Variants in LIMCH1 observed in about 807,000 individuals in gnomAD.
LIMCH1 encodes the protein LIM and calponin homology domains-containing protein 1.
LIMCH1 carries 113 observed loss-of-function variants against 176.5 expected under a neutral mutation model. That is an observed-to-expected ratio of 0.64 (90% CI 0.55 to 0.75). The LOEUF is 0.75. Among genes scored for constraint, LIMCH1 ranks in the 30% least tolerant of loss-of-function variants. The pLI, the probability that LIMCH1 is intolerant of heterozygous loss-of-function variation, is 0.00. For missense variants in LIMCH1, 1,674 were observed against 1,814.9 expected (o/e 0.92, Z 1.41); for synonymous variants, 619 against 645.9 (o/e 0.96, Z 0.63).
At chr4:41,465,454 T>C (rs2065973565) in intron 1 of LIMCH1, among the ~76,000 whole-genome samples, 1 of 152,234 alleles carries the variant, frequency 6.6e-6, no homozygotes, top group Non-Finnish European at 1.5e-5. Context: ...CACTCTGGCA[T>C]GACCTCCTGC....
intron 15 of LIMCH1, 125 bp from the exon 16 acceptor site, chr4:41,645,998 C>A: frequency 1.1e-6 from 1 of 951,210 alleles, no homozygotes; most frequent in Non-Finnish European, 1.6e-6. Context: ...GGAATGCACA[C>A]GATGTTATAG....
intron 1 of LIMCH1, among the ~76,000 whole-genome samples, chr4:41,454,940 A>ATGTGTGTGTGTG (rs761501125): frequency 7.6e-6 from 1 of 131,258 alleles, no homozygotes; most frequent in African/African-American, 2.7e-5. Context: ...GTATGCGTAC[A>ATGTGTGTGTGTG]TGTGTGTGTG....
intron 8 of LIMCH1, among the ~76,000 whole-genome samples, chr4:41,629,239 T>C (rs998758542): frequency 6.6e-6 from 1 of 152,218 alleles, no homozygotes; most frequent in African/African-American, 2.4e-5. Flanking sequence ...CGGCTTCTTT[T>C]CCTAAACTGT....
At chr4:41,375,113 C>T in intron 1 of LIMCH1, among the ~76,000 whole-genome samples, 1 of 152,012 alleles carries the variant, frequency 6.6e-6, no homozygotes, top group East Asian at 1.9e-4. Context: ...CCAATTGTTA[C>T]TAACATTTTA....
intron 1 of LIMCH1, among the ~76,000 whole-genome samples, chr4:41,592,401 G>A (rs920764719): frequency 1.3e-5 from 2 of 152,152 alleles, no homozygotes; most frequent in African/African-American, 4.8e-5. Context: ...ATTTGAGGCT[G>A]TTTGTATAAA....
intron 1 of LIMCH1, among the ~76,000 whole-genome samples, chr4:41,547,433 T>C (rs79974935): frequency 0.027 from 4,086 of 152,002 alleles, 164 homozygotes; most frequent in African/African-American, 0.088. Flanking sequence ...GTGCTTTTTA[T>C]TCTTAAAGAT....
At chr4:41,399,162 T>C (rs1304482371) in intron 1 of LIMCH1, among the ~76,000 whole-genome samples, 1 of 152,144 alleles carries the variant, frequency 6.6e-6, no homozygotes, top group Non-Finnish European at 1.5e-5. Context: ...AGTAAGGAGG[T>C]TGATTTTCAT....
At position 41,520,095 on chromosome 4, in the gene LIMCH1, TG is replaced by T. The variant is rs780411826; in HGVS notation, c.168-4313del. On this transcript the variant is annotated intron_variant, in intron 2 of 26. Transcript: ENST00000313860. ...TTTTTTACCGATTTGCAAACAGTGA[TG>T]TTTTAAAAATATAAATCAGATTATC... Among the ~76,000 whole-genome samples the T allele has an allele frequency of 3.3e-5, 5 of 152,352 alleles. No individual in the cohort carries two copies. The South Asian group carries it at 6.2e-4, about 19-fold the overall frequency.
intron 1 of LIMCH1, among the ~76,000 whole-genome samples, chr4:41,416,975 C>T (rs1299740988): frequency 6.6e-6 from 1 of 152,120 alleles, no homozygotes; most frequent in Non-Finnish European, 1.5e-5. Flanking sequence ...ACATAGCAAG[C>T]TTTTAGGGCA....
At chr4:41,367,866 T>TAAAAAAAAAA (rs750045066) in intron 1 of LIMCH1, among the ~76,000 whole-genome samples, 1 of 90,952 alleles carries the variant, frequency 1.1e-5, no homozygotes, top group Admixed American at 1.2e-4. Context: ...GACTCCATCA[T>TAAAAAAAAAA]AAAAAAAAAA....
chr4:41,681,165 A>T, intron 25 of LIMCH1, 106 bp downstream of exon 25: 1 of 627,958 alleles, frequency 1.6e-6, no homozygotes, highest in Non-Finnish European at 2.9e-6. Context: ...TAAATCCAAG[A>T]CTAGCTATTC....
chr4:41,540,951 A>G (rs113845227), intron 1 of LIMCH1, among the ~76,000 whole-genome samples: 3,012 of 152,306 alleles, frequency 0.02, 117 homozygotes, highest in African/African-American at 0.068. Context: ...CCTTTTAAAA[A>G]GGAATGTTGA....
At chr4:41,402,289 C>T (rs1368317933) in intron 1 of LIMCH1, among the ~76,000 whole-genome samples, 2 of 151,852 alleles carry the variant, frequency 1.3e-5, no homozygotes, top group African/African-American at 4.8e-5. Context: ...CCATCTCACA[C>T]CAGTTAGAAT....
intron 1 of LIMCH1, among the ~76,000 whole-genome samples, chr4:41,590,660 A>G (rs985887560): frequency 6.6e-6 from 1 of 151,892 alleles, no homozygotes; most frequent in African/African-American, 2.4e-5. Flanking sequence ...CATCCATAAA[A>G]TGTTTTCTTC....
intron 1 of LIMCH1, among the ~76,000 whole-genome samples, chr4:41,570,222 A>G (rs976704338): frequency 1.3e-5 from 2 of 152,212 alleles, no homozygotes; most frequent in African/African-American, 4.8e-5. Context: ...GGCACGCATA[A>G]TTCTGTGGCC....
intron 2 of LIMCH1, among the ~76,000 whole-genome samples, chr4:41,601,212 G>A (rs760849785): frequency 2.6e-5 from 4 of 152,152 alleles, no homozygotes; most frequent in Admixed American, 1.3e-4. Flanking sequence ...AAGGTCTTCT[G>A]CTCATGTGGA....
In LIMCH1 at chr4:41,615,126, A is replaced by C. The variant is rs181628462; in HGVS notation, c.205+1465A>C. 3.9e-4 allele frequency among the ~76,000 whole-genome samples: 59 copies of C among 152,320 alleles called. 1 individual carries two copies. The East Asian group carries it at 0.01, about 26-fold the overall frequency. The stretch of plus-strand genomic sequence containing the variant: ...CTATTAGAAGTTAAATACCAAGTTC[A>C]CTATCTAACTGAGCTTTAACATAAC... On this transcript the variant is annotated intron_variant, in intron 5 of 31. Coordinates refer to ENST00000503057, the MANE Select transcript of LIMCH1 (RefSeq NM_001330672.2).
At chr4:41,420,275 G>C (rs2060498960) in intron 1 of LIMCH1, among the ~76,000 whole-genome samples, 1 of 152,186 alleles carries the variant, frequency 6.6e-6, no homozygotes, top group South Asian at 2.1e-4. Context: ...GCCCAGAATA[G>C]TGCTTTGGTA....
intron 1 of LIMCH1, among the ~76,000 whole-genome samples, chr4:41,372,621 A>G (rs1336576219): frequency 3.3e-5 from 5 of 152,192 alleles, no homozygotes; most frequent in African/African-American, 1.2e-4. Context: ...TAGGAATTTC[A>G]CATTTCCTAT....
Sources: allele counts gnomAD v4.1 joint callset (sites outside exome capture counted in the v4.1 genomes callset), GRCh38; gene constraint gnomAD v4.1.1; transcripts MANE v1.5; gene names NCBI Gene and HGNC (gene_info 2026-07-23, HGNC 2026-07-21).